EYA1: variants seen among roughly 807,000 people sequenced by gnomAD.
The protein encoded by EYA1 is protein phosphatase EYA1.
Under a neutral mutation model 82.0 loss-of-function variants are expected in EYA1, and 16 were observed. The observed-to-expected ratio is 0.20, with a 90% CI of 0.13 to 0.30. The LOEUF (loss-of-function observed/expected upper bound fraction) is 0.30, where lower values mean the gene tolerates loss of function less well. EYA1 is among the 10% of genes least tolerant of loss of function. EYA1 has a pLI of 1.00. For missense variants in EYA1, 633 were observed against 730.7 expected (o/e 0.87, Z 1.54); for synonymous variants, 261 against 264.4 (o/e 0.99, Z 0.12).
At chr8:71,421,929 A>T (rs1326549959) in intron 2 of EYA1, among the ~76,000 whole-genome samples, 1 of 152,336 alleles carries the variant, frequency 6.6e-6, no homozygotes, top group East Asian at 1.9e-4. Flanking sequence ...GAATCCTAAG[A>T]TTTGAAAAGT....
In EYA1 at chr8:71,371,907, A is replaced by G. The variant is rs1020337476; in HGVS notation, c.34-15396T>C. On this transcript the variant is annotated intron_variant, in intron 2 of 18. Transcript: ENST00000643681. ...AAAAATAAAACTGTTGAAATCTCCA[A>G]GAGAAGAGAGCAAGAAGAGATGGAA... Among the ~76,000 whole-genome samples, 3 of 152,276 alleles carry G rather than the reference A, an allele frequency of 2.0e-5. No individual in the cohort carries two copies. In the East Asian group the frequency reaches 5.8e-4, roughly 29 times the overall value.
intron 2 of EYA1, among the ~76,000 whole-genome samples, chr8:71,450,741 T>C (rs1361550156): frequency 1.3e-5 from 2 of 152,070 alleles, no homozygotes; most frequent in Admixed American, 6.5e-5. Context: ...TGCAATAAAA[T>C]GAGGTATTCC....
At chr8:71,456,170 G>T (rs577898018) in intron 2 of EYA1, among the ~76,000 whole-genome samples, 502 of 152,226 alleles carry the variant, frequency 3.3e-3, no homozygotes, top group Non-Finnish European at 4.8e-3. Flanking sequence ...GCTTCAAAGA[G>T]AATCAAATAC....
chr8:71,233,470 A>AGG (rs1483794208), intron 12 of EYA1, among the ~76,000 whole-genome samples: 2 of 151,606 alleles, frequency 1.3e-5, no homozygotes, highest in Admixed American at 1.3e-4. Context: ...AGGCTGAGGC[A>AGG]GGAGAATGGC....
chr8:71,211,397 C>A lies in EYA1; in HGVS notation c.1598-141G>T, dbSNP rs957609243. On this transcript the variant is annotated intron_variant, in intron 16 of 17. Coordinates refer to ENST00000340726, the MANE Select transcript of EYA1 (RefSeq NM_000503.6). The stretch of plus-strand genomic sequence containing the variant: ...TACCTCTAAGAGGAATGCTTTTATG[C>A]CACTTGGGTTGTATGTGCCACAGCA... The A allele has an allele frequency of 3.1e-5, 21 of 669,620 alleles. No individual in the cohort carries two copies. The East Asian group carries it at 5.2e-4, about 17-fold the overall frequency. 41.5% of individuals were successfully genotyped at this position (669,620 alleles called of 1,614,324 possible).
intron 9 of EYA1, among the ~76,000 whole-genome samples, chr8:71,277,532 C>T (rs554854452): frequency 2.6e-5 from 4 of 152,168 alleles, no homozygotes; most frequent in Non-Finnish European, 5.9e-5. Flanking sequence ...ACTCAAGAAT[C>T]TTTGTGAATT....
intron 11 of EYA1, among the ~76,000 whole-genome samples, chr8:71,267,680 C>G (rs1816016105): frequency 6.6e-6 from 1 of 152,092 alleles, no homozygotes; most frequent in African/African-American, 2.4e-5. Flanking sequence ...TCCTGAGTAG[C>G]TGGGACTACA....
At chr8:71,504,747 T>G (rs773885917) in intron 2 of EYA1, among the ~76,000 whole-genome samples, 5 of 152,198 alleles carry the variant, frequency 3.3e-5, no homozygotes, top group African/African-American at 9.6e-5. Flanking sequence ...CCTGTAATTC[T>G]ACTTCCACAC....
At chr8:71,470,992 T>G in intron 2 of EYA1, 4 of 418,574 alleles carry the variant, frequency 9.6e-6, no homozygotes, top group South Asian at 1.7e-5. Context: ...TATGTTTATT[T>G]TCCCACATCT....
At chr8:71,354,357 C>T (rs1053881516) in intron 3 of EYA1, among the ~76,000 whole-genome samples, 10 of 152,060 alleles carry the variant, frequency 6.6e-5, no homozygotes, top group Non-Finnish European at 1.2e-4. Context: ...TCCAGTCCAA[C>T]GTCTACATTT....
chr8:71,326,301 G>C (rs1190288701), intron 4 of EYA1, among the ~76,000 whole-genome samples: 1 of 152,098 alleles, frequency 6.6e-6, no homozygotes, highest in East Asian at 1.9e-4. Context: ...CAGGTCAAAA[G>C]CCTAGAAGTA....
Position 71,368,230 on chromosome 8 carries a change from G to T in EYA1, c.34-11719C>A, listed in dbSNP as rs562268590. Among the ~76,000 whole-genome samples the T allele has an allele frequency of 4.1e-5, 5 of 122,792 alleles. No individual in the cohort carries two copies. In the Admixed American group the frequency reaches 4.1e-4, roughly 10 times the overall value. The allele number at this position is 122,792 out of a possible 152,430, so 80.6% of individuals were successfully genotyped here. The stretch of plus-strand genomic sequence containing the variant: ...CTGGTTGATAGAGAGTTACAGGCTG[G>T]TGGCTTGTTTTTTTAATCAATACAA... On this transcript the variant is annotated intron_variant, in intron 2 of 18. Coordinates refer to the EYA1 transcript ENST00000643681.
chr8:71,525,377 C>A (rs1456619314), intron 2 of EYA1, among the ~76,000 whole-genome samples: 3 of 152,044 alleles, frequency 2.0e-5, no homozygotes, highest in Admixed American at 6.5e-5. Context: ...TGGGAGACCA[C>A]TTAAGGAAAT....
intron 7 of EYA1, among the ~76,000 whole-genome samples, chr8:71,317,302 A>C (rs1822032828): frequency 6.6e-6 from 1 of 152,186 alleles, no homozygotes; most frequent in African/African-American, 2.4e-5. Context: ...TGTCAACTTC[A>C]CAAAAAATCT....
At chr8:71,314,746 T>C (rs1299614713) in intron 7 of EYA1, among the ~76,000 whole-genome samples, 2 of 152,100 alleles carry the variant, frequency 1.3e-5, no homozygotes, top group Non-Finnish European at 2.9e-5. Flanking sequence ...ATAAAGATAG[T>C]CATGTGAAAT....
chr8:71,217,395 A>G (rs1267730365), intron 12 of EYA1, among the ~76,000 whole-genome samples: 5 of 152,336 alleles, frequency 3.3e-5, no homozygotes, highest in East Asian at 1.9e-4. Flanking sequence ...ACATTTTGGT[A>G]AATGTAACAT....
chr8:71,520,388 C>A (rs964737083), intron 2 of EYA1, among the ~76,000 whole-genome samples: 4 of 152,248 alleles, frequency 2.6e-5, no homozygotes, highest in Middle Eastern at 3.4e-3. Flanking sequence ...TCAAGCGGAA[C>A]AATGGTCCAG....
At chr8:71,466,275 A>G (rs76748921) in intron 2 of EYA1, among the ~76,000 whole-genome samples, 2,801 of 152,300 alleles carry the variant, frequency 0.018, 56 homozygotes, top group African/African-American at 0.062. Flanking sequence ...ATTTTTGCAT[A>G]TACGAGTAAG....
chr8:71,424,419 C>T (rs1040111106), intron 2 of EYA1, among the ~76,000 whole-genome samples: 1 of 152,052 alleles, frequency 6.6e-6, no homozygotes, highest in African/African-American at 2.4e-5. Flanking sequence ...TTTAAATATC[C>T]CAAAATGCTT....
Sources: gnomAD v4.1 joint callset for allele counts (sites outside exome capture counted in the v4.1 genomes callset) on GRCh38, gnomAD v4.1.1 for gene constraint, MANE v1.5 for transcripts, NCBI Gene and HGNC (gene_info 2026-07-23, HGNC 2026-07-21) for gene names.